The following GNL3L variants were observed in gnomAD, a reference collection of about 807,000 sequenced individuals.
GNL3L encodes G protein nucleolar 3 like.
GNL3L carries 4 observed loss-of-function variants against 42.9 expected under a neutral mutation model. That is an observed-to-expected ratio of 0.09 (90% CI 0.05 to 0.21). The LOEUF (loss-of-function observed/expected upper bound fraction) is 0.21. GNL3L is among the 10% of genes least tolerant of loss of function. The pLI, the probability that GNL3L is intolerant of heterozygous loss-of-function variation, is 1.00. For synonymous variants in GNL3L, 159 were observed against 176.3 expected, an observed-to-expected ratio of 0.90 and a Z score of 0.78; for missense variants, 412 against 481.7, an observed-to-expected ratio of 0.86 and a Z score of 1.36.
At chrX:54,629,516 A>T in the GNL3L span, among the ~76,000 whole-genome samples, 9,661 of 111,560 alleles carry the variant, frequency 0.087, 915 homozygotes, top group African/African-American at 0.28. Flanking sequence ...GTTTATTGAG[A>T]TGATCATGTG....
intron 16 of GNL3L, among the ~76,000 whole-genome samples, chrX:54,575,684 A>C (rs1925624675): frequency 8.9e-6 from 1 of 111,856 alleles, no homozygotes; most frequent in Non-Finnish European, 1.9e-5. Context: ...CAGTGAGCTG[A>C]GATCTCGCCA....
the GNL3L span, among the ~76,000 whole-genome samples, chrX:54,636,089 T>C: frequency 8.8e-3 from 994 of 112,442 alleles, 16 homozygotes; most frequent in African/African-American, 0.03. Flanking sequence ...TTTTCTTGCA[T>C]TGATTTTGAG....
chrX:54,540,001 GGAT>G, intron 3 of GNL3L, 131 bp from the exon 4 acceptor site: 2 of 475,099 alleles, frequency 4.2e-6, no homozygotes, highest in Non-Finnish European at 7.6e-6. Context: ...GGGGATGAGA[GGAT>G]GAGAGGATTG....
At chrX:54,580,385 A>G (rs1925698466) in intron 16 of GNL3L, among the ~76,000 whole-genome samples, 1 of 110,022 alleles carries the variant, frequency 9.1e-6, no homozygotes, top group South Asian at 4.0e-4. Context: ...AAATTTTCTT[A>G]ATCCAGTCTA....
chrX:54,536,516 G>A (rs1172466185), intron 2 of GNL3L, among the ~76,000 whole-genome samples: 2 of 110,367 alleles, frequency 1.8e-5, no homozygotes, highest in African/African-American at 6.6e-5. Flanking sequence ...CAGGCGTGGT[G>A]GCTCATGCCT....
intron 16 of GNL3L, among the ~76,000 whole-genome samples, chrX:54,590,330 T>A (rs751258865): frequency 1.2e-4 from 14 of 112,655 alleles, no homozygotes; most frequent in Non-Finnish European, 2.3e-4. Context: ...TCTTTTCATA[T>A]ACTTGTTTGC....
At chrX:54,634,779 G>A in the GNL3L span, among the ~76,000 whole-genome samples, 5 of 91,723 alleles carry the variant, frequency 5.5e-5, no homozygotes, top group Non-Finnish European at 1.1e-4. Flanking sequence ...GAACCACTGC[G>A]CCCGGCTCTT....
At chrX:54,572,676 CG>C (rs918648511) in intron 16 of GNL3L, among the ~76,000 whole-genome samples, 14 of 108,639 alleles carry the variant, frequency 1.3e-4, no homozygotes, top group South Asian at 4.0e-4. Context: ...GCTGGCCTGG[CG>C]GGGGGCTGAC....
chrX:54,562,297 C>T lies in GNL3L; in HGVS notation c.*1695C>T, dbSNP rs1246742699. Among the ~76,000 whole-genome samples, 4 of 112,337 alleles carry T rather than the reference C, an allele frequency of 3.6e-5. No homozygotes were observed. Among genetic ancestry groups the T allele is most frequent in the East Asian group, 2.8e-4 (1 of 3,573 alleles). On this transcript the variant is annotated 3_prime_UTR_variant, in exon 16 of 16. Coordinates refer to ENST00000360845, the MANE Select transcript of GNL3L (RefSeq NM_001184819.2). ...TTGACCTCAAGTGATCCACTCGCTT[C>T]GGCCTCCCAAAGTGCTGGGATTATA...
chrX:54,541,406 T>C lies in GNL3L; in HGVS notation c.306+17T>C. On this transcript the variant is annotated intron_variant, in intron 5 of 15. Transcript: ENST00000360845. Reference sequence around the variant, plus strand: ...GAGCATAAGGTAAGAGTGCAGCCCTTGCCCCTGGGTAGGTTTGCTCAAAGC... The same window carrying C: ...GAGCATAAGGTAAGAGTGCAGCCCTCGCCCCTGGGTAGGTTTGCTCAAAGC... 3.9e-6 allele frequency: 4 copies of C among 1,024,500 alleles called. No individual in the cohort carries two copies. The highest frequency in any genetic ancestry group is 5.5e-6 in the Non-Finnish European group (4 of 727,524). The allele number at this position is 1,024,500 out of a possible 1,213,427, so 84.4% of individuals were successfully genotyped here.
rs749615781 is a variant in GNL3L, at chrX:54,554,680, C to T, written c.1434C>T (p.Thr478=). 5.8e-6 allele frequency: 7 copies of T among 1,207,758 alleles called. No homozygotes were observed. The highest frequency in any genetic ancestry group is 6.7e-6 in the Non-Finnish European group (6 of 891,973). The change falls in exon 14 of 16, where the codon ACC becomes ACT. Residue 478 remains threonine (T), a synonymous_variant. Transcript: ENST00000360845. ...TAGCAGATGCCATTGAAAATAAAAC[C>T]ACCGTGTATAAGGTACCTGTCATCT... is the stretch of plus-strand genomic sequence containing the variant. ...TKIADAIENK[T]TVYKIGDLTG... is the part of the protein sequence containing the mutation.
chrX:54,639,435 C>G, the GNL3L span, among the ~76,000 whole-genome samples: 3 of 112,351 alleles, frequency 2.7e-5, no homozygotes, highest in Non-Finnish European at 5.6e-5. Flanking sequence ...TACTTGCACT[C>G]GCAAGCGCAG....
downstream of GNL3L, among the ~76,000 whole-genome samples, chrX:54,623,157 A>G (rs1404348226): frequency 8.9e-6 from 1 of 112,201 alleles, no homozygotes; most frequent in Non-Finnish European, 1.9e-5. Flanking sequence ...TGAGTCCTCC[A>G]ATGTTGTTGT....
intron 16 of GNL3L, among the ~76,000 whole-genome samples, chrX:54,613,183 G>A (rs1045968129): frequency 6.3e-5 from 7 of 110,994 alleles, no homozygotes. Context: ...CCTTGTCTTT[G>A]AGCTCTGAAT....
chrX:54,594,541 C>CTT (rs766441455), intron 16 of GNL3L, among the ~76,000 whole-genome samples: 7 of 95,142 alleles, frequency 7.4e-5, no homozygotes, highest in Admixed American at 4.5e-4. Flanking sequence ...ATCATTGGGC[C>CTT]TTTTTTTTTT....
chrX:54,582,089 A>T (rs1304455676), intron 16 of GNL3L, among the ~76,000 whole-genome samples: 2 of 111,573 alleles, frequency 1.8e-5, no homozygotes, highest in Non-Finnish European at 3.8e-5. Context: ...GCCTAATGAG[A>T]GGTGTTTGGG....
At chrX:54,575,698 C>T (rs1233960869) in intron 16 of GNL3L, among the ~76,000 whole-genome samples, 2 of 111,497 alleles carry the variant, frequency 1.8e-5, no homozygotes, top group Non-Finnish European at 3.8e-5. Context: ...CTCGCCACTG[C>T]ACTCCAGCCT....
intron 5 of GNL3L, among the ~76,000 whole-genome samples, chrX:54,541,890 C>T (rs902524296): frequency 9.0e-6 from 1 of 110,971 alleles, no homozygotes; most frequent in African/African-American, 3.3e-5. Context: ...TCCTGTGTCC[C>T]TCATAGATTG....
At chrX:54,611,985 C>G (rs1480373640) in intron 16 of GNL3L, among the ~76,000 whole-genome samples, 1 of 112,143 alleles carries the variant, frequency 8.9e-6, no homozygotes, top group Non-Finnish European at 1.9e-5. Flanking sequence ...TGTTCACTTT[C>G]TGTCTTGATG....
Sources: allele counts gnomAD v4.1 joint callset (sites outside exome capture counted in the v4.1 genomes callset), GRCh38; gene constraint gnomAD v4.1.1; transcripts MANE v1.5; gene names NCBI Gene and HGNC (gene_info 2026-07-23, HGNC 2026-07-21).